TUT4: variants seen among roughly 807,000 people sequenced by gnomAD.
The protein encoded by TUT4 is terminal uridylyl transferase 4.
A neutral mutation model predicts 192.2 loss-of-function variants in TUT4; 36 were observed. The ratio of observed to expected loss-of-function variants is 0.19; its 90% confidence interval spans 0.14 to 0.25. The LOEUF (loss-of-function observed/expected upper bound fraction) is 0.25, where lower values mean the gene tolerates loss of function less well. Ranked by LOEUF, TUT4 falls within the 10% of genes least tolerant of loss-of-function variation. The pLI is 1.00. For synonymous variants in TUT4, 618 were observed against 666.0 expected, an observed-to-expected ratio of 0.93 and a Z score of 1.11; for missense variants, 1,493 against 1,957.2, an observed-to-expected ratio of 0.76 and a Z score of 4.47.
chr1:52,481,767 A>G (rs367594104), intron 10 of TUT4, 37 bp downstream of exon 10: 23 of 1,553,738 alleles, frequency 1.5e-5, no homozygotes, highest in Middle Eastern at 1.9e-4. Context: ...CAAACTATAT[A>G]TATATATGCA....
At chr1:52,473,469 T>C (rs1666307368) in intron 13 of TUT4, among the ~76,000 whole-genome samples, 1 of 152,186 alleles carries the variant, frequency 6.6e-6, no homozygotes, top group African/African-American at 2.4e-5. Flanking sequence ...TTGGAGCTGA[T>C]GGATGGATAG....
At position 52,465,178 on chromosome 1, in the gene TUT4, G is replaced by A; in HGVS notation, c.2966-5C>T. The A allele has an allele frequency of 6.2e-7, 1 of 1,611,414 alleles. No individual in the cohort carries two copies. Among genetic ancestry groups the A allele is most frequent in the Non-Finnish European group, 8.5e-7 (1 of 1,178,884 alleles). ...ATAAGCACAACCTTGCCTTTTCTAAGCAAAGGAAAACAAAGTCCAAGGCCT... is the reference window on the plus strand; with the variant it reads ...ATAAGCACAACCTTGCCTTTTCTAAACAAAGGAAAACAAAGTCCAAGGCCT... On this transcript the variant is annotated splice_region_variant and splice_polypyrimidine_tract_variant and intron_variant, in intron 15 of 29. Transcript: ENST00000257177.
intron 19 of TUT4, 35 bp downstream of exon 19, chr1:52,461,099 T>G: frequency 6.8e-7 from 1 of 1,473,888 alleles, no homozygotes; most frequent in Non-Finnish European, 9.2e-7. Flanking sequence ...TTAATTATCA[T>G]GAACAAAGCA....
chr1:52,538,778 C>A (rs1018955981), intron 1 of TUT4: 1 of 151,344 alleles, frequency 6.6e-6, no homozygotes, highest in Non-Finnish European at 1.5e-5. Flanking sequence ...AACATTTATT[C>A]TAAAAATGAT....
intron 1 of TUT4, among the ~76,000 whole-genome samples, chr1:52,547,382 T>C (rs1262183625): frequency 2.0e-5 from 3 of 151,700 alleles, no homozygotes; most frequent in Non-Finnish European, 4.4e-5. Flanking sequence ...ACCCACTAGA[T>C]GATAGTGAGG....
In TUT4 at chr1:52,502,549, T is replaced by A. The variant is rs533449362; in HGVS notation, c.1000-5366A>T. 6.6e-5 allele frequency among the ~76,000 whole-genome samples: 10 copies of A among 150,510 alleles called. No individual in the cohort carries two copies. In the East Asian group the frequency reaches 2.0e-3, roughly 30 times the overall value. ...TACCCACTCAGTAATAATCTCCTTC[T>A]CCTTAAACATTACACAATCTACTAG... On this transcript the variant is annotated intron_variant, in intron 4 of 29. Coordinates refer to ENST00000257177, the MANE Select transcript of TUT4 (RefSeq NM_001009881.3).
chr1:52,444,662 T>C lies in TUT4; in HGVS notation c.3822+1125A>G, dbSNP rs189084722. Among the ~76,000 whole-genome samples the C allele has an allele frequency of 6.2e-3, 929 of 149,418 alleles. 8 individuals are homozygous for C. Among genetic ancestry groups the C allele is most frequent in the African/African-American group, 0.021 (867 of 40,472 alleles). On this transcript the variant is annotated intron_variant, in intron 24 of 29. Transcript: ENST00000257177. ...CTGCACTTAATCTAGTGTGCATAAT[T>C]TAATCATCTTCCAGTGAACATAAGG... is the stretch of plus-strand genomic sequence containing the variant.
chr1:52,541,700 A>C (rs1358800469), intron 1 of TUT4, among the ~76,000 whole-genome samples: 3 of 152,254 alleles, frequency 2.0e-5, no homozygotes, highest in African/African-American at 4.8e-5. Flanking sequence ...TATGACACTT[A>C]AAGCAAAGAA....
intron 1 of TUT4, among the ~76,000 whole-genome samples, chr1:52,542,814 T>C (rs952484607): frequency 6.6e-6 from 1 of 151,818 alleles, no homozygotes; most frequent in Non-Finnish European, 1.5e-5. Flanking sequence ...CAGGCTGGAG[T>C]GCAATGGCAC....
chr1:52,508,077 T>G (rs762841841), intron 4 of TUT4, among the ~76,000 whole-genome samples: 1 of 152,122 alleles, frequency 6.6e-6, no homozygotes, highest in Non-Finnish European at 1.5e-5. Flanking sequence ...CCTCCCAAAG[T>G]GCTGGGATTA....
intron 1 of TUT4, among the ~76,000 whole-genome samples, chr1:52,543,515 G>A (rs1429967416): frequency 2.9e-5 from 4 of 137,778 alleles, no homozygotes; most frequent in Admixed American, 7.7e-5. Context: ...ATGGAGTCTC[G>A]CTCTCTCTCC....
intron 9 of TUT4, among the ~76,000 whole-genome samples, chr1:52,485,834 G>C (rs1337682057): frequency 6.6e-6 from 1 of 151,946 alleles, no homozygotes; most frequent in African/African-American, 2.4e-5. Context: ...CATTTAGATT[G>C]TAGCATCTAT....
chr1:52,490,936 A>C, intron 7 of TUT4, 135 bp from the exon 8 acceptor site: 1 of 734,664 alleles, frequency 1.4e-6, no homozygotes, highest in South Asian at 2.2e-5. Flanking sequence ...TCTCATTATG[A>C]GCACCAACCC....
At chr1:52,479,056 T>G (rs1667818425) in intron 11 of TUT4, among the ~76,000 whole-genome samples, 1 of 151,996 alleles carries the variant, frequency 6.6e-6, no homozygotes, top group Non-Finnish European at 1.5e-5. Context: ...AAGGTTACAG[T>G]GTTCAATAGA....
intron 2 of TUT4, among the ~76,000 whole-genome samples, chr1:52,523,927 T>A (rs955204290): frequency 6.6e-6 from 1 of 152,222 alleles, no homozygotes; most frequent in Non-Finnish European, 1.5e-5. Context: ...AGAAATAGGT[T>A]CTTTTTATTT....
rs756812832 is a variant in TUT4 at position 52,431,478 on chromosome 1, AT to A, written c.4264-19del. On this transcript the variant is annotated intron_variant, in intron 27 of 29. Coordinates refer to ENST00000257177, the MANE Select transcript of TUT4 (RefSeq NM_001009881.3). ...GATTCAGACTGCAGACAAAAAAAAA[AT>A]TTTTTTTAATTAATTTATAAACATC... The A allele has an allele frequency of 3.2e-3, 4,535 of 1,432,676 alleles. 7 individuals are homozygous for A. The highest frequency in any genetic ancestry group is 4.0e-3 in the Admixed American group (147 of 36,958). 88.7% of individuals were successfully genotyped at this position (1,432,676 alleles called of 1,614,324 possible). A position where few individuals can be genotyped will look rare whatever the true frequency, so the allele number is the denominator to read the frequency against.
intron 1 of TUT4, among the ~76,000 whole-genome samples, chr1:52,531,463 C>A (rs1312205539): frequency 6.6e-6 from 1 of 152,026 alleles, no homozygotes; most frequent in Non-Finnish European, 1.5e-5. Context: ...CAATCTGATT[C>A]GTGTCAGTCT....
In TUT4 at chr1:52,446,450, T is replaced by TAA. The variant is rs55749039; in HGVS notation, c.3514-10_3514-9dup. 2.7e-3 allele frequency: 3,659 copies of TAA among 1,353,192 alleles called. No homozygotes were observed. Among genetic ancestry groups the TAA allele is most frequent in the Admixed American group, 5.3e-3 (226 of 42,816 alleles). 83.8% of individuals were successfully genotyped at this position (1,353,192 alleles called of 1,614,324 possible). A position where few individuals can be genotyped will look rare whatever the true frequency, so the allele number is the denominator to read the frequency against. On this transcript the variant is annotated splice_polypyrimidine_tract_variant and intron_variant, in intron 21 of 29. Transcript: ENST00000257177. ...TGAAGGTAAACGCTTTTTCTACATA[T>TAA]AAAAAAAAAAAGAAAAGAACAATGT...
chr1:52,530,452 C>T (rs1006626668), intron 1 of TUT4, among the ~76,000 whole-genome samples: 2 of 152,056 alleles, frequency 1.3e-5, no homozygotes, highest in East Asian at 3.9e-4. Context: ...GGGTATCCAT[C>T]CCCTCAAGCA....
Sources: allele counts gnomAD v4.1 joint callset (sites outside exome capture counted in the v4.1 genomes callset), GRCh38; gene constraint gnomAD v4.1.1; transcripts MANE v1.5; gene names NCBI Gene and HGNC (gene_info 2026-07-23, HGNC 2026-07-21).